The following RNF113B variants were observed in gnomAD, a reference collection of about 807,000 sequenced individuals.
The protein encoded by RNF113B is ring finger protein 113B, also known as zinc finger protein 183-like 1.
In RNF113B, 12 loss-of-function variants were observed where a neutral mutation model predicts 22.2. The ratio of observed to expected loss-of-function variants is 0.54; its 90% CI spans 0.35 to 0.87. The LOEUF (loss-of-function observed/expected upper bound fraction) is 0.87, where lower values mean the gene tolerates loss of function less well. Among genes scored for constraint, RNF113B ranks in the 40% least tolerant of loss-of-function variants. RNF113B has a pLI of 0.01. For synonymous variants in RNF113B, 194 were observed against 184.6 expected, an observed-to-expected ratio of 1.05 and a Z score of -0.41; for missense variants, 442 against 455.4, an observed-to-expected ratio of 0.97 and a Z score of 0.27.
chr13:98,176,167 C>T lies in RNF113B; in HGVS notation c.965G>A (p.Arg322Lys). The change falls in exon 2 of 2, where the codon AGA becomes AAA. Residue 322 changes from arginine (R) to lysine (K), a missense_variant. Transcript: ENST00000267291. The surrounding 1 kb of genome is among the most constrained non-coding windows in gnomAD (Gnocchi z 6.2). ...QKLQAAEGKK[R>K] Reference sequence around the variant, plus strand: ...ACATACAGACTTGAGTCTTTCTTATCTCTTTTTTCCTAAAAGAACAAAAAA... The same window carrying T: ...ACATACAGACTTGAGTCTTTCTTATTTCTTTTTTCCTAAAAGAACAAAAAA... The T allele has an allele frequency of 6.2e-7, 1 of 1,609,690 alleles. No individual in the cohort carries two copies. The highest frequency in any genetic ancestry group is 1.1e-5 in the South Asian group (1 of 90,712).
chr13:98,177,005 C>T lies in RNF113B; in HGVS notation c.232G>A (p.Gly78Ser). ...GLHSWQKAAHGDRRGEEAAPE... is the reference protein window; with the variant it reads ...GLHSWQKAAHSDRRGEEAAPE... ...GCCGCCTCCTCGCCCCTCCTGTCGC[C>T]GTGAGCCGCCTTCTGCCAGCTGTGG... is the stretch of plus-strand genomic sequence containing the variant. Residue 78 changes from glycine (G) to serine (S), a missense_variant, in exon 1 of 2, where the codon GGC becomes AGC. Transcript: ENST00000267291. 2 of 1,597,538 alleles carry T rather than the reference C, an allele frequency of 1.3e-6. No individual in the cohort carries two copies. The highest frequency in any genetic ancestry group is 1.7e-6 in the Non-Finnish European group (2 of 1,178,726).
chr13:98,176,730 C>G lies in RNF113B; in HGVS notation c.507G>C (p.Ser169=). The G allele has an allele frequency of 1.9e-6, 3 of 1,614,158 alleles. No homozygotes were observed. Among genetic ancestry groups the G allele is most frequent in the East Asian group, 2.2e-5 (1 of 44,864 alleles). Residue 169 remains serine, a synonymous_variant, in exon 1 of 2, where the codon TCG becomes TCC. Coordinates refer to ENST00000267291, the MANE Select transcript of RNF113B (RefSeq NM_178861.5). The surrounding 1 kb of genome is among the most constrained non-coding windows in gnomAD (Gnocchi z 6.2). The stretch of plus-strand genomic sequence containing the variant: ...GTATGGGGCCCTTCCTCGCCATCCC[C>G]GAGGAGGAGTTGCCCATGGACGTGT... ...PKDTSMGNSS[S]GMARKGPIRA...
rs1222822390 is a variant in RNF113B at position 98,176,248 on chromosome 13, TG to T, written c.955+33del. 6.2e-7 allele frequency: 1 copy of T among 1,608,138 alleles called. No homozygotes were observed. Among genetic ancestry groups the T allele is most frequent in the East Asian group, 2.2e-5 (1 of 44,862 alleles). On this transcript the variant is annotated intron_variant, in intron 1 of 1. Coordinates refer to ENST00000267291, the MANE Select transcript of RNF113B (RefSeq NM_178861.5). The surrounding 1 kb of genome is among the most constrained non-coding windows in gnomAD (Gnocchi z 6.2). ...CTAAGCCATGGGAATTGGACACTCA[TG>T]GGGGTCTTCTGTGAAATGGGACTTG... is the stretch of plus-strand genomic sequence containing the variant.
Position 98,175,973 on chromosome 13 carries a change from G to A in RNF113B, c.*190C>T. 1.6e-6 allele frequency: 1 copy of A among 607,368 alleles called. No individual in the cohort carries two copies. The highest frequency in any genetic ancestry group is 2.8e-5 in the East Asian group (1 of 35,948). The allele number at this position is 607,368 out of a possible 1,614,324, so 37.6% of individuals were successfully genotyped here. ...CCATTCATCCATCCATGGACACTTG[G>A]GTTGTTTACACCTCTTGGCTTTTGC... On this transcript the variant is annotated 3_prime_UTR_variant, in exon 2 of 2. Coordinates refer to ENST00000267291, the MANE Select transcript of RNF113B (RefSeq NM_178861.5).
Position 98,176,865 on chromosome 13 carries a change from C to A in RNF113B, c.372G>T (p.Thr124=). 6.2e-7 allele frequency: 1 copy of A among 1,609,330 alleles called. No individual in the cohort carries two copies. Among genetic ancestry groups the A allele is most frequent in the East Asian group, 2.2e-5 (1 of 44,838 alleles). ...FEQDTEKEHH[T]PTILKCSQRV... is the part of the protein sequence containing the mutation. ...GCTGGCTGCACTTGAGGATGGTCGG[C>A]GTATGGTGCTCCTTCTCGGTGTCCT... is the stretch of plus-strand genomic sequence containing the variant. Residue 124 remains threonine, a synonymous_variant, in exon 1 of 2, where the codon ACG becomes ACT. Coordinates refer to ENST00000267291, the MANE Select transcript of RNF113B (RefSeq NM_178861.5). This position sits in a 1 kb window ranked among gnomAD's most constrained non-coding sequence, Gnocchi z 6.2.
In RNF113B at chr13:98,176,286, T is replaced by G; in HGVS notation, c.951A>C (p.Ala317=). The stretch of plus-strand genomic sequence containing the variant: ...TGAAATGGGACTTGCCCCCACCTTC[T>G]GCAGCCTGAAGCTTTTGCAGTTTCG... ...LMAKLQKLQA[A]EGKKR is the part of the protein sequence containing the mutation. The change falls in exon 1 of 2, where the codon GCA becomes GCC. Residue 317 remains alanine (A), a synonymous_variant. Coordinates refer to ENST00000267291, the MANE Select transcript of RNF113B (RefSeq NM_178861.5). This position sits in a 1 kb window ranked among gnomAD's most constrained non-coding sequence, Gnocchi z 6.2. 1.2e-6 allele frequency: 2 copies of G among 1,612,434 alleles called. No homozygotes were observed. The highest frequency in any genetic ancestry group is 1.7e-6 in the Non-Finnish European group (2 of 1,178,840).
rs1276661455 is a variant in RNF113B at position 98,176,937 on chromosome 13, C to G, written c.300G>C (p.Ala100=). The G allele has an allele frequency of 6.2e-7, 1 of 1,602,996 alleles. No individual in the cohort carries two copies. The highest frequency in any genetic ancestry group is 8.5e-7 in the Non-Finnish European group (1 of 1,179,896). The change falls in exon 1 of 2, where the codon GCG becomes GCC. Residue 100 remains alanine (A), a synonymous_variant. Transcript: ENST00000267291. This position sits in a 1 kb window ranked among gnomAD's most constrained non-coding sequence, Gnocchi z 6.2. ...LDVVYRSTRS[A]KPVGPEDMGA... ...CCATGTCCTCTGGCCCCACAGGCTTCGCCGAGCGGGTGGACCTGTACACCA... is the reference window on the plus strand; with the variant it reads ...CCATGTCCTCTGGCCCCACAGGCTTGGCCGAGCGGGTGGACCTGTACACCA...
Position 98,177,186 on chromosome 13 carries a change from T to C in RNF113B, c.51A>G (p.Val17=), listed in dbSNP as rs766260211. 28 of 1,592,390 alleles carry C rather than the reference T, an allele frequency of 1.8e-5. 1 individual carries two copies. The Admixed American group carries it at 4.6e-4, about 26-fold the overall frequency. Residue 17 remains valine (V), a synonymous_variant, in exon 1 of 2, where the codon GTA becomes GTG. Coordinates refer to ENST00000267291, the MANE Select transcript of RNF113B (RefSeq NM_178861.5). ...CAGGCTTTTTGAAGAGGAAGGTGCA[T>C]ACCTGGTCTGCTTGGTCGGCCGTCC... The part of the protein sequence containing the change: ...PGRTADQADQ[V]CTFLFKKPGR...
In RNF113B at chr13:98,176,867, T is replaced by G; in HGVS notation, c.370A>C (p.Thr124Pro). 3 of 1,609,106 alleles carry G rather than the reference T, an allele frequency of 1.9e-6. No individual in the cohort carries two copies. Among genetic ancestry groups the G allele is most frequent in the Non-Finnish European group, 2.5e-6 (3 of 1,179,932 alleles). Reference sequence around the variant, plus strand: ...TGGCTGCACTTGAGGATGGTCGGCGTATGGTGCTCCTTCTCGGTGTCCTGC... The same window carrying G: ...TGGCTGCACTTGAGGATGGTCGGCGGATGGTGCTCCTTCTCGGTGTCCTGC... Reference protein sequence around the residue: ...FEQDTEKEHHTPTILKCSQRV... With the variant: ...FEQDTEKEHHPPTILKCSQRV... Residue 124 changes from threonine to proline, a missense_variant, in exon 1 of 2, where the codon ACG (threonine) becomes CCG (proline). Transcript: ENST00000267291. The surrounding 1 kb of genome is among the most constrained non-coding windows in gnomAD (Gnocchi z 6.2).
chr13:98,176,736 G>C lies in RNF113B; in HGVS notation c.501C>G (p.Ser167=). The change falls in exon 1 of 2, where the codon TCC becomes TCG. Residue 167 remains serine, a synonymous_variant. Transcript: ENST00000267291. The surrounding 1 kb of genome is among the most constrained non-coding windows in gnomAD (Gnocchi z 6.2). The part of the protein sequence containing the change: ...LKPKDTSMGN[S]SSGMARKGPI... ...GGCCCTTCCTCGCCATCCCCGAGGA[G>C]GAGTTGCCCATGGACGTGTCCTTGG... The C allele has an allele frequency of 6.2e-7, 1 of 1,614,110 alleles. No individual in the cohort carries two copies. The highest frequency in any genetic ancestry group is 8.5e-7 in the Non-Finnish European group (1 of 1,179,988).
rs1877989290 is a variant in RNF113B at position 98,176,048 on chromosome 13, G to T, written c.*115C>A. The T allele has an allele frequency of 5.2e-6, 5 of 968,608 alleles. No individual in the cohort carries two copies. The Admixed American group carries it at 8.6e-5, about 17-fold the overall frequency. The allele number at this position is 968,608 out of a possible 1,614,324, so 60.0% of individuals were successfully genotyped here. ...AGTGCACATACCTCTTTGAGATCCG[G>T]ATTTCAATTCTTTTGGTTACATACT... On this transcript the variant is annotated 3_prime_UTR_variant, in exon 2 of 2. Transcript: ENST00000267291. This position sits in a 1 kb window ranked among gnomAD's most constrained non-coding sequence, Gnocchi z 6.2.
Position 98,176,365 on chromosome 13 carries a change from T to A in RNF113B, c.872A>T (p.Tyr291Phe), listed in dbSNP as rs1269774758. 3 of 1,614,114 alleles carry A rather than the reference T, an allele frequency of 1.9e-6. No individual in the cohort carries two copies. Among genetic ancestry groups the A allele is most frequent in the Non-Finnish European group, 2.5e-6 (3 of 1,180,044 alleles). The change falls in exon 1 of 2, where the codon TAC becomes TTC. Residue 291 changes from tyrosine (Y) to phenylalanine (F), a missense_variant. Tyr to Phe is a conservative substitution (Grantham distance 22). Transcript: ENST00000267291. This position sits in a 1 kb window ranked among gnomAD's most constrained non-coding sequence, Gnocchi z 6.2. Reference protein sequence around the residue: ...LEHFRATPRCYICDQPTGGIF... With the variant: ...LEHFRATPRCFICDQPTGGIF... Reference sequence around the variant, plus strand: ...GCCGCCGGTTGGCTGGTCACAGATGTAGCAGCGCGGGGTGGCCCGGAAGTG... The same window carrying A: ...GCCGCCGGTTGGCTGGTCACAGATGAAGCAGCGCGGGGTGGCCCGGAAGTG...
At position 98,175,893 on chromosome 13, in the gene RNF113B, T is replaced by C. The variant is rs1877976120; in HGVS notation, c.*270A>G. The stretch of plus-strand genomic sequence containing the variant: ...AGTTTAAATCTTTAAAAGGATTTCC[T>C]TCCCGTTAAGGCTTAATAGCATTCC... On this transcript the variant is annotated 3_prime_UTR_variant, in exon 2 of 2. Transcript: ENST00000267291. 2.2e-6 allele frequency: 1 copy of C among 453,626 alleles called. No individual in the cohort carries two copies. 28.1% of individuals were successfully genotyped at this position (453,626 alleles called of 1,614,324 possible). A position where few individuals can be genotyped will look rare whatever the true frequency, so the allele number is the denominator to read the frequency against.
Position 98,176,472 on chromosome 13 carries a change from C to T in RNF113B, c.765G>A (p.Arg255=), listed in dbSNP as rs1233704268. 2.5e-6 allele frequency: 4 copies of T among 1,614,100 alleles called. No individual in the cohort carries two copies. Among genetic ancestry groups the T allele is most frequent in the Admixed American group, 3.3e-5 (2 of 60,008 alleles). ...GGAAGGCCTGGCGACATATGAAACA[C>T]CTGAATGGTATTTCCTCTTCCTCGC... ...VGSEEEEIPF[R]CFICRQAFQN... Residue 255 remains arginine, a synonymous_variant, in exon 1 of 2, where the codon AGG becomes AGA. Coordinates refer to ENST00000267291, the MANE Select transcript of RNF113B (RefSeq NM_178861.5). The surrounding 1 kb of genome is among the most constrained non-coding windows in gnomAD (Gnocchi z 6.2).
chr13:98,176,372 G>A lies in RNF113B; in HGVS notation c.865C>T (p.Arg289Cys). The change falls in exon 1 of 2, where the codon CGC becomes TGC. Residue 289 changes from arginine (R) to cysteine (C), a missense_variant. Physicochemically the swap from Arg to Cys is radical, Grantham distance 180. Transcript: ENST00000267291. This position sits in a 1 kb window ranked among gnomAD's most constrained non-coding sequence, Gnocchi z 6.2. ...GTTGGCTGGTCACAGATGTAGCAGCGCGGGGTGGCCCGGAAGTGCTCCAGC... is the reference window on the plus strand; with the variant it reads ...GTTGGCTGGTCACAGATGTAGCAGCACGGGGTGGCCCGGAAGTGCTCCAGC... ...CALEHFRATPRCYICDQPTGG... is the reference protein window; with the variant it reads ...CALEHFRATPCCYICDQPTGG... 1 of 1,614,240 alleles carries A rather than the reference G, an allele frequency of 6.2e-7. No individual in the cohort carries two copies. Among genetic ancestry groups the A allele is most frequent in the Non-Finnish European group, 8.5e-7 (1 of 1,180,034 alleles).
At position 98,176,551 on chromosome 13, in the gene RNF113B, T is replaced by C. The variant is rs762988535; in HGVS notation, c.686A>G (p.Glu229Gly). Residue 229 changes from glutamate (E) to glycine (G), a missense_variant, in exon 1 of 2, where the codon GAG becomes GGG. Physicochemically the swap from Glu to Gly is moderately conservative, Grantham distance 98. Coordinates refer to ENST00000267291, the MANE Select transcript of RNF113B (RefSeq NM_178861.5). This position sits in a 1 kb window ranked among gnomAD's most constrained non-coding sequence, Gnocchi z 6.2. ...DYKLGWEIER[E>G]LEEGRYCICE... is the part of the protein sequence containing the mutation. ...GATACAGTAGCGACCCTCTTCAAGC[T>C]CCCGTTCAATCTCCCACCCGAGCTT... The C allele has an allele frequency of 8.7e-6, 14 of 1,614,156 alleles. No individual in the cohort carries two copies. Among genetic ancestry groups the C allele is most frequent in the Admixed American group, 3.3e-5 (2 of 60,018 alleles).
In RNF113B at chr13:98,176,787, G is replaced by C. The variant is rs201781048; in HGVS notation, c.450C>G (p.Ile150Met). ...GREHDHIYRG[I>M]HSYLRYLKPK... ...GCTTCAGGTACCTCAGGTAGCTGTGGATTCCCCGGTAGATGTGGTCGTGCT... is the reference window on the plus strand; with the variant it reads ...GCTTCAGGTACCTCAGGTAGCTGTGCATTCCCCGGTAGATGTGGTCGTGCT... Residue 150 changes from isoleucine (I) to methionine (M), a missense_variant, in exon 1 of 2, where the codon ATC becomes ATG. By Grantham distance (10) the Ile-to-Met change is conservative. Coordinates refer to ENST00000267291, the MANE Select transcript of RNF113B (RefSeq NM_178861.5). The surrounding 1 kb of genome is among the most constrained non-coding windows in gnomAD (Gnocchi z 6.2). 10 of 1,613,720 alleles carry C rather than the reference G, an allele frequency of 6.2e-6. No homozygotes were observed. Among genetic ancestry groups the C allele is most frequent in the African/African-American group, 1.3e-5 (1 of 74,884 alleles).
In RNF113B at chr13:98,176,022, G is replaced by A; in HGVS notation, c.*141C>T. ...GCAAATAATTCTGCAGTGAACATGG[G>A]AGTGCACATACCTCTTTGAGATCCG... On this transcript the variant is annotated 3_prime_UTR_variant, in exon 2 of 2. Transcript: ENST00000267291. This position sits in a 1 kb window ranked among gnomAD's most constrained non-coding sequence, Gnocchi z 6.2. 2.6e-6 allele frequency: 2 copies of A among 758,854 alleles called. No homozygotes were observed. The allele number at this position is 758,854 out of a possible 1,614,324, so 47.0% of individuals were successfully genotyped here.
chr13:98,177,061 G>A lies in RNF113B; in HGVS notation c.176C>T (p.Pro59Leu). 6.3e-7 allele frequency: 1 copy of A among 1,595,946 alleles called. No homozygotes were observed. The highest frequency in any genetic ancestry group is 8.5e-7 in the Non-Finnish European group (1 of 1,178,220). The change falls in exon 1 of 2, where the codon CCC becomes CTC. Residue 59 changes from proline to leucine, a missense_variant. Physicochemically the swap from Pro to Leu is moderately conservative, Grantham distance 98. Transcript: ENST00000267291. Reference protein sequence around the residue: ...SGDEGDTVAQPPRVAPRPRGL... With the variant: ...SGDEGDTVAQLPRVAPRPRGL... Reference sequence around the variant, plus strand: ...CCGGGGCCTCGGTGCCACCCGCGGGGGCTGAGCCACTGTGTCGCCCTCGTC... The same window carrying A: ...CCGGGGCCTCGGTGCCACCCGCGGGAGCTGAGCCACTGTGTCGCCCTCGTC...
Sources: gnomAD v4.1 joint callset for allele counts on GRCh38, gnomAD v4.1.1 for gene constraint, Gnocchi (gnomAD v3.1) non-coding constraint, MANE v1.5 for transcripts, NCBI Gene and HGNC (gene_info 2026-07-23, HGNC 2026-07-21) for gene names.